KAZN: variants seen among roughly 807,000 people sequenced by gnomAD.
KAZN encodes kazrin.
A neutral mutation model predicts 87.4 loss-of-function variants in KAZN; 40 were observed. That is an observed-to-expected ratio of 0.46 (90% CI 0.36 to 0.60). The LOEUF (loss-of-function observed/expected upper bound fraction) is 0.60, where lower values mean the gene tolerates loss of function less well. KAZN is among the 20% of genes least tolerant of loss of function. The probability of loss-of-function intolerance (pLI) is 0.00; values close to 1 mark genes in which losing one functional copy is unlikely to be tolerated. For missense variants in KAZN, 898 were observed against 1,073.9 expected (o/e 0.84, Z 2.29); for synonymous variants, 466 against 458.3 (o/e 1.02, Z -0.22).
At position 14,280,732 on chromosome 1, in the gene KAZN, A is replaced by T. The variant is rs60692354; in HGVS notation, c.249+100140A>T. Among the ~76,000 whole-genome samples the T allele has an allele frequency of 3.2e-3, 483 of 152,358 alleles. 3 individuals carry two copies. The highest frequency in any genetic ancestry group is 0.011 in the African/African-American group (465 of 41,584). ...TACCTTATTACAGCAGTCCTGGGAA[A>T]CTATTACAAATACATCCCATACACA... On this transcript the variant is annotated intron_variant, in intron 2 of 16. Transcript: ENST00000636203.
At chr1:14,569,137 G>GT (rs201977276) in intron 2 of KAZN, among the ~76,000 whole-genome samples, 112 of 151,198 alleles carry the variant, frequency 7.4e-4, no homozygotes, top group African/African-American at 2.0e-3. Flanking sequence ...GTTGTGTGAG[G>GT]TTTTTTTTTC....
In KAZN at chr1:15,114,726, G is replaced by A. The variant is rs371686900; in HGVS notation, c.*91G>A. The A allele has an allele frequency of 2.3e-4, 302 of 1,304,644 alleles. 2 individuals are homozygous for A. In the African/African-American group the frequency reaches 3.1e-3, roughly 13 times the overall value. The allele number at this position is 1,304,644 out of a possible 1,614,324, so 80.8% of individuals were successfully genotyped here. A position where few individuals can be genotyped will look rare whatever the true frequency, so the allele number is the denominator to read the frequency against. On this transcript the variant is annotated 3_prime_UTR_variant, in exon 15 of 15. Transcript: ENST00000376030. ...AGGTGTCGTTCTCACTGTACATAGC[G>A]GCCGCAGGCTGAGGATGTCCCTTGC...
chr1:13,921,878 G>A lies in KAZN; in HGVS notation c.91+28122G>A, dbSNP rs938668055. 9.9e-5 allele frequency among the ~76,000 whole-genome samples: 15 copies of A among 152,018 alleles called. 1 individual carries two copies. The highest frequency in any genetic ancestry group is 3.9e-4 in the Admixed American group (6 of 15,258). On this transcript the variant is annotated intron_variant, in intron 1 of 16. Coordinates refer to the KAZN transcript ENST00000636203. ...GATCTCCTGACCTCGTGATCTGCCCGCCTCAGCCTCCCAAAGTGCTGGGAT... is the reference window on the plus strand; with the variant it reads ...GATCTCCTGACCTCGTGATCTGCCCACCTCAGCCTCCCAAAGTGCTGGGAT...
At chr1:14,870,667 G>A (rs1455800274) in intron 1 of KAZN, among the ~76,000 whole-genome samples, 10 of 152,228 alleles carry the variant, frequency 6.6e-5, no homozygotes, top group South Asian at 6.2e-4. Flanking sequence ...TGGGGTTCAC[G>A]ACCGTGACTC....
chr1:14,374,928 A>C (rs567045293), intron 2 of KAZN, among the ~76,000 whole-genome samples: 7 of 152,306 alleles, frequency 4.6e-5, no homozygotes, highest in African/African-American at 1.7e-4. Context: ...AGTCCTATTG[A>C]GCTCGTCCAT....
intron 2 of KAZN, among the ~76,000 whole-genome samples, chr1:14,279,136 A>G (rs998082535): frequency 6.6e-6 from 1 of 152,168 alleles, no homozygotes; most frequent in Non-Finnish European, 1.5e-5. Context: ...AAATTGTCAT[A>G]TTACTTATTT....
At chr1:14,858,203 C>CTTTTTTTTTTTTT (rs1388659468) in intron 1 of KAZN, among the ~76,000 whole-genome samples, 15 of 95,100 alleles carry the variant, frequency 1.6e-4, no homozygotes, top group African/African-American at 6.9e-4. Context: ...TTTCTTTTTT[C>CTTTTTTTTTTTTT]TTTTTCTTTT....
At chr1:14,115,995 G>A (rs568916261) in intron 1 of KAZN, among the ~76,000 whole-genome samples, 10 of 152,260 alleles carry the variant, frequency 6.6e-5, no homozygotes, top group East Asian at 3.9e-4. Flanking sequence ...TAGGGTATCC[G>A]GAAGAATAAA....
At chr1:14,912,606 C>G (rs1019955707) in intron 1 of KAZN, among the ~76,000 whole-genome samples, 1 of 152,110 alleles carries the variant, frequency 6.6e-6, no homozygotes, top group Non-Finnish European at 1.5e-5. Context: ...GTCTCCAACT[C>G]CGGGGCTCAA....
At chr1:14,039,802 CA>C (rs771035626) in intron 1 of KAZN, among the ~76,000 whole-genome samples, 1 of 152,198 alleles carries the variant, frequency 6.6e-6, no homozygotes, top group African/African-American at 2.4e-5. Context: ...CCCTCTTCCA[CA>C]GGGGAAAGGA....
At chr1:14,013,722 A>T (rs1159334277) in intron 1 of KAZN, among the ~76,000 whole-genome samples, 1 of 152,136 alleles carries the variant, frequency 6.6e-6, no homozygotes, top group Non-Finnish European at 1.5e-5. Flanking sequence ...TTCCATTGTC[A>T]TGGTTTAAAT....
At chr1:14,440,724 C>T (rs1370720348) in intron 2 of KAZN, among the ~76,000 whole-genome samples, 1 of 152,170 alleles carries the variant, frequency 6.6e-6, no homozygotes, top group Non-Finnish European at 1.5e-5. Context: ...AAGCATGGTG[C>T]TCTTCTGTTT....
At chr1:14,066,673 G>A (rs368443830) in intron 1 of KAZN, among the ~76,000 whole-genome samples, 1 of 152,222 alleles carries the variant, frequency 6.6e-6, no homozygotes, top group Non-Finnish European at 1.5e-5. Context: ...GCTGGAAGAT[G>A]ATAGAACTGC....
chr1:14,515,194 T>A (rs1408465826), intron 2 of KAZN, among the ~76,000 whole-genome samples: 2 of 152,162 alleles, frequency 1.3e-5, no homozygotes, highest in African/African-American at 2.4e-5. Flanking sequence ...CCTTGTGCTA[T>A]CAACTCTCTC....
chr1:15,094,265 G>A lies in KAZN; in HGVS notation c.1308G>A (p.Glu436=). Reference sequence around the variant, plus strand: ...AGATGGACCGGCTGCAGCAGGTGGAGCTGGTGAGGACCACCCCTATGTCCC... The same window carrying A: ...AGATGGACCGGCTGCAGCAGGTGGAACTGGTGAGGACCACCCCTATGTCCC... ...EEQMDRLQQV[E]LVRTTPMSHW... is the part of the protein sequence containing the mutation. The change falls in exon 9 of 15, where the codon GAG becomes GAA. Residue 436 remains glutamate (E), a synonymous_variant. Transcript: ENST00000376030. The surrounding 1 kb of genome is among the most constrained non-coding windows in gnomAD (Gnocchi z 4.5). 6.2e-7 allele frequency: 1 copy of A among 1,613,958 alleles called. No individual in the cohort carries two copies. The highest frequency in any genetic ancestry group is 1.7e-5 in the Admixed American group (1 of 60,014).
intron 2 of KAZN, among the ~76,000 whole-genome samples, chr1:14,471,638 C>A (rs1478739087): frequency 2.0e-5 from 3 of 152,194 alleles, no homozygotes; most frequent in African/African-American, 4.8e-5. Flanking sequence ...ATACAAATGA[C>A]CTGCCCCTGC....
chr1:14,344,066 C>T (rs1459544417), intron 2 of KAZN, among the ~76,000 whole-genome samples: 1 of 152,110 alleles, frequency 6.6e-6, no homozygotes, highest in African/African-American at 2.4e-5. Context: ...TCATTCTCCC[C>T]TTGATGCCAA....
At position 15,056,417 on chromosome 1, in the gene KAZN, T is replaced by C; in HGVS notation, c.916+137T>C. On this transcript the variant is annotated intron_variant, in intron 5 of 14. Coordinates refer to ENST00000376030, the MANE Select transcript of KAZN (RefSeq NM_201628.3). The surrounding 1 kb of genome is among the most constrained non-coding windows in gnomAD (Gnocchi z 5.4). ...GTGGGACAGAGACCTTGGGCTCATG[T>C]AACTGAAAAATCTAAGAGATGGACA... 1.2e-6 allele frequency: 1 copy of C among 856,504 alleles called. No individual in the cohort carries two copies. The highest frequency in any genetic ancestry group is 1.7e-6 in the Non-Finnish European group (1 of 574,910). 53.1% of individuals were successfully genotyped at this position (856,504 alleles called of 1,614,324 possible).
At chr1:14,107,750 C>G (rs1040258974) in intron 1 of KAZN, among the ~76,000 whole-genome samples, 1 of 152,058 alleles carries the variant, frequency 6.6e-6, no homozygotes, top group African/African-American at 2.4e-5. Flanking sequence ...AACTCATGAG[C>G]TTTGTATGCT....
Sources: allele counts gnomAD v4.1 joint callset (sites outside exome capture counted in the v4.1 genomes callset), GRCh38; gene constraint gnomAD v4.1.1; non-coding constraint Gnocchi (gnomAD v3.1); transcripts MANE v1.5; gene names NCBI Gene and HGNC (gene_info 2026-07-23, HGNC 2026-07-21).